Variants in CDK12 observed in about 807,000 individuals in gnomAD.
CDK12 encodes the protein cyclin-dependent kinase 12.
CDK12 carries 17 observed loss-of-function variants against 133.8 expected under a neutral mutation model. The observed-to-expected ratio is 0.13, with a 90% confidence interval of 0.09 to 0.19. The LOEUF (loss-of-function observed/expected upper bound fraction) is 0.19. Among genes scored for constraint, CDK12 ranks in the 10% least tolerant of loss-of-function variants. CDK12 has a pLI of 1.00. For synonymous variants in CDK12, 694 were observed against 683.6 expected, an observed-to-expected ratio of 1.02 and a Z score of -0.24; for missense variants, 1,508 against 1,818.7, an observed-to-expected ratio of 0.83 and a Z score of 3.11.
In CDK12 at chr17:39,461,833, C is replaced by T. The variant is rs1170513320; in HGVS notation, c.-239C>T. ...ACAGACTTGAGCAGCTCCCCGTTGT[C>T]TCGCAACTCCACTGCCGAGGAACTC... On this transcript the variant is annotated 5_prime_UTR_variant, in exon 1 of 14. Coordinates refer to ENST00000447079, the MANE Select transcript of CDK12 (RefSeq NM_016507.4). 1 of 558,404 alleles carries T rather than the reference C, an allele frequency of 1.8e-6. No individual in the cohort carries two copies. Among genetic ancestry groups the T allele is most frequent in the East Asian group, 2.9e-5 (1 of 34,216 alleles). 34.6% of individuals were successfully genotyped at this position (558,404 alleles called of 1,614,324 possible). A position where few individuals can be genotyped will look rare whatever the true frequency, so the allele number is the denominator to read the frequency against.
intron 5 of CDK12, among the ~76,000 whole-genome samples, chr17:39,499,937 A>G (rs991637964): frequency 2.0e-5 from 3 of 152,232 alleles, no homozygotes; most frequent in African/African-American, 7.2e-5. Context: ...ACAAATGGGC[A>G]TGGTTGTGTT....
chr17:39,539,049 A>G (rs2055288761), downstream of CDK12, among the ~76,000 whole-genome samples: 1 of 152,212 alleles, frequency 6.6e-6, no homozygotes, highest in African/African-American at 2.4e-5. Flanking sequence ...GAGGAAGTAA[A>G]GAGTCAGCAT....
intron 2 of CDK12, among the ~76,000 whole-genome samples, chr17:39,476,345 A>C (rs868591306): frequency 6.6e-6 from 1 of 151,936 alleles, no homozygotes; most frequent in Non-Finnish European, 1.5e-5. Context: ...TCTTGATCTC[A>C]TGATCTGTCC....
At chr17:39,513,043 C>G (rs1040394552) in intron 8 of CDK12, among the ~76,000 whole-genome samples, 1 of 152,176 alleles carries the variant, frequency 6.6e-6, no homozygotes, top group Non-Finnish European at 1.5e-5. Context: ...TAGAAAACAT[C>G]TTGTTTTTGG....
At chr17:39,502,266 C>T (rs1189524123) in intron 6 of CDK12, among the ~76,000 whole-genome samples, 1 of 152,166 alleles carries the variant, frequency 6.6e-6, no homozygotes, top group Non-Finnish European at 1.5e-5. Flanking sequence ...CATTCTCCTG[C>T]CTCAGCTTCC....
At chr17:39,560,513 T>TA (rs1185978823) in intron 3 of CDK12, among the ~76,000 whole-genome samples, 1 of 152,242 alleles carries the variant, frequency 6.6e-6, no homozygotes, top group Non-Finnish European at 1.5e-5. Flanking sequence ...GGTCACATGT[T>TA]AAGTCACAAA....
At chr17:39,491,900 G>A (rs1296062289) in intron 3 of CDK12, among the ~76,000 whole-genome samples, 2 of 149,674 alleles carry the variant, frequency 1.3e-5, no homozygotes, top group Non-Finnish European at 3.0e-5. Flanking sequence ...AGGCCAAGGC[G>A]GGTGGATCAT....
At chr17:39,516,807 T>C (rs889824693) in intron 9 of CDK12, among the ~76,000 whole-genome samples, 1 of 151,406 alleles carries the variant, frequency 6.6e-6, no homozygotes, top group South Asian at 2.1e-4. Flanking sequence ...GGACTACAGG[T>C]GCCCACCACC....
rs1485625523 is a variant in CDK12 at position 39,531,219 on chromosome 17, G to T, written c.4376G>T (p.Trp1459Leu). Residue 1459 changes from tryptophan to leucine, a missense_variant, in exon 14 of 14, where the codon TGG becomes TTG. Trp to Leu is a moderately conservative substitution (Grantham distance 61). Around this residue, in one of 9 missense-constraint regions of CDK12, gnomAD observed 114 missense variants for 101.2 expected, o/e 1.13. Coordinates refer to ENST00000447079, the MANE Select transcript of CDK12 (RefSeq NM_016507.4). ...GASSSGAGLH[W>L]GGPTQSSAYG... is the part of the protein sequence containing the mutation. Reference sequence around the variant, plus strand: ...AGCAGCTCAGGAGCAGGCCTTCACTGGGGGGGCCCAACTCAGTCTTCTGCT... The same window carrying T: ...AGCAGCTCAGGAGCAGGCCTTCACTTGGGGGGCCCAACTCAGTCTTCTGCT... The T allele has an allele frequency of 6.6e-7, 1 of 1,514,718 alleles. No individual in the cohort carries two copies. The highest frequency in any genetic ancestry group is 8.8e-7 in the Non-Finnish European group (1 of 1,133,550). The allele number at this position is 1,514,718 out of a possible 1,614,324, so 93.8% of individuals were successfully genotyped here.
At chr17:39,482,556 T>TA (rs2050793988) in intron 2 of CDK12, among the ~76,000 whole-genome samples, 1 of 151,508 alleles carries the variant, frequency 6.6e-6, no homozygotes, top group Non-Finnish European at 1.5e-5. Context: ...TCTGTATTGT[T>TA]ACGGTTTTAG....
At chr17:39,545,072 T>C (rs1187523215), upstream of CDK12, among the ~76,000 whole-genome samples, 1 of 152,192 alleles carries the variant, frequency 6.6e-6, no homozygotes, top group African/African-American at 2.4e-5. Flanking sequence ...CCCCCTTTCT[T>C]GGCATTCCTG....
intron 2 of CDK12, among the ~76,000 whole-genome samples, chr17:39,482,876 ACAGGTGAGAG>A (rs1292320107): frequency 6.7e-6 from 1 of 150,354 alleles, no homozygotes; most frequent in African/African-American, 2.4e-5. Context: ...TGCTGGGATT[ACAGGTGAGAG>A]CCACTATGCC....
chr17:39,483,251 A>C (rs953984258), intron 2 of CDK12, among the ~76,000 whole-genome samples: 4 of 151,714 alleles, frequency 2.6e-5, no homozygotes, highest in South Asian at 2.1e-4. Context: ...AATAGTGGTG[A>C]AATCACTGTT....
At chr17:39,512,822 G>A (rs1236715311) in intron 8 of CDK12, among the ~76,000 whole-genome samples, 1 of 152,154 alleles carries the variant, frequency 6.6e-6, no homozygotes, top group Non-Finnish European at 1.5e-5. Context: ...AAATAATGAA[G>A]TAGTTTCCTA....
At chr17:39,565,815 G>A (rs1163771073), downstream of CDK12, among the ~76,000 whole-genome samples, 1 of 152,202 alleles carries the variant, frequency 6.6e-6, no homozygotes, top group Non-Finnish European at 1.5e-5. Context: ...AGGAGAGGGG[G>A]CTGTGCTGAT....
At chr17:39,552,707 G>T (rs942228096) in intron 2 of CDK12, among the ~76,000 whole-genome samples, 12 of 152,064 alleles carry the variant, frequency 7.9e-5, no homozygotes, top group African/African-American at 2.7e-4. Flanking sequence ...TGTCAGATCT[G>T]CCTCCCACTC....
In CDK12 at chr17:39,517,541, G is replaced by A. The variant is rs1308016883; in HGVS notation, c.2948G>A (p.Arg983Gln). Reference protein sequence around the residue: ...KPKKQYRRRLREEFSFIPSAA... With the variant: ...KPKKQYRRRLQEEFSFIPSAA... ...AAGAAGCAATATCGAAGGCGTCTAC[G>A]AGAAGAATTCTCTTTGTGAGTTTGG... Residue 983 changes from arginine (R) to glutamine (Q), a missense_variant, in exon 10 of 14, where the codon CGA (arginine) becomes CAA (glutamine). By Grantham distance (43) the Arg-to-Gln change is conservative. Transcript: ENST00000447079. 2 of 1,597,788 alleles carry A rather than the reference G, an allele frequency of 1.3e-6. No homozygotes were observed. Among genetic ancestry groups the A allele is most frequent in the Admixed American group, 1.7e-5 (1 of 59,942 alleles).
intron 11 of CDK12, among the ~76,000 whole-genome samples, chr17:39,521,825 G>A (rs1199384558): frequency 6.6e-6 from 1 of 150,920 alleles, no homozygotes; most frequent in Non-Finnish European, 1.5e-5. Context: ...GCCTCCCAAA[G>A]TGTTGGGATT....
chr17:39,517,977 A>ATTTT (rs574417333), intron 10 of CDK12, among the ~76,000 whole-genome samples: 1 of 118,634 alleles, frequency 8.4e-6, no homozygotes. Flanking sequence ...CTTAGCCTTC[A>ATTTT]TTTTTTTTTT....
Sources: allele counts gnomAD v4.1 joint callset (sites outside exome capture counted in the v4.1 genomes callset), GRCh38; gene constraint gnomAD v4.1.1; regional missense constraint gnomAD v4.1.1; transcripts MANE v1.5; gene names NCBI Gene and HGNC (gene_info 2026-07-23, HGNC 2026-07-21).